Variants in DPP10 observed in about 807,000 individuals in gnomAD.
The protein encoded by DPP10 is dipeptidyl peptidase like 10, also known as inactive dipeptidyl peptidase 10.
In DPP10, 33 loss-of-function variants were observed where a neutral mutation model predicts 120.9. The observed-to-expected ratio is 0.27, with a 90% CI of 0.21 to 0.37. The LOEUF (loss-of-function observed/expected upper bound fraction) is 0.37, where lower values mean the gene tolerates loss of function less well. Among genes scored for constraint, DPP10 ranks in the 10% least tolerant of loss-of-function variants. The pLI is 1.00. For missense variants in DPP10, 816 were observed against 942.8 expected (o/e 0.87, Z 1.76); for synonymous variants, 337 against 326.1 (o/e 1.03, Z -0.36).
At position 115,815,617 on chromosome 2, in the gene DPP10, A is replaced by G. The variant is rs1034986444; in HGVS notation, c.1896-58A>G. ...TTGTATGTATGCATGCCAACTATAT[A>G]TTTATATTTGCATTTAACTCACAAA... On this transcript the variant is annotated intron_variant, in intron 20 of 25. Transcript: ENST00000410059. 3.5e-6 allele frequency: 5 copies of G among 1,449,142 alleles called. No homozygotes were observed. In the African/African-American group the frequency reaches 4.2e-5, roughly 12 times the overall value. 89.8% of individuals were successfully genotyped at this position (1,449,142 alleles called of 1,614,324 possible). A position where few individuals can be genotyped will look rare whatever the true frequency, so the allele number is the denominator to read the frequency against.
chr2:115,699,469 G>T (rs550585735), intron 7 of DPP10, among the ~76,000 whole-genome samples: 1 of 152,264 alleles, frequency 6.6e-6, no homozygotes, highest in South Asian at 2.1e-4. Flanking sequence ...GGATGTGTTG[G>T]CAGGCACCTG....
intron 1 of DPP10, among the ~76,000 whole-genome samples, chr2:115,035,377 G>A (rs1017122033): frequency 9.9e-5 from 15 of 151,942 alleles, no homozygotes; most frequent in Non-Finnish European, 2.2e-4. Context: ...TTAAATAATT[G>A]TTTCCACAAT....
chr2:115,048,351 A>G (rs78094251), intron 1 of DPP10, among the ~76,000 whole-genome samples: 4,837 of 151,916 alleles, frequency 0.032, 94 homozygotes, highest in Non-Finnish European at 0.05. Flanking sequence ...ATTTATCACT[A>G]TCTCCCATTG....
chr2:115,419,562 C>T (rs2069747654), intron 3 of DPP10, among the ~76,000 whole-genome samples: 1 of 152,100 alleles, frequency 6.6e-6, no homozygotes, highest in African/African-American at 2.4e-5. Context: ...CCCACAAAGC[C>T]CCACCTCCAA....
At chr2:115,297,922 C>G (rs2060961293) in intron 1 of DPP10, among the ~76,000 whole-genome samples, 1 of 152,162 alleles carries the variant, frequency 6.6e-6, no homozygotes, top group Admixed American at 6.5e-5. Flanking sequence ...AGTGCTCTTT[C>G]AACCACAATT....
At chr2:114,956,490 A>G (rs1478884717) in intron 1 of DPP10, among the ~76,000 whole-genome samples, 2 of 152,146 alleles carry the variant, frequency 1.3e-5, no homozygotes. Context: ...CATGGATTGA[A>G]AAAGTTTATA....
chr2:114,867,053 G>T (rs1690298426), intron 1 of DPP10, among the ~76,000 whole-genome samples: 1 of 152,184 alleles, frequency 6.6e-6, no homozygotes, highest in Non-Finnish European at 1.5e-5. Context: ...TAATGAACAA[G>T]GTGCAGAACA....
At chr2:115,821,227 A>C (rs1358229213) in intron 21 of DPP10, among the ~76,000 whole-genome samples, 1 of 152,148 alleles carries the variant, frequency 6.6e-6, no homozygotes, top group Non-Finnish European at 1.5e-5. Flanking sequence ...ATGTGAACTC[A>C]TCAATTTCTC....
chr2:115,270,766 T>C (rs2059665271), intron 1 of DPP10, among the ~76,000 whole-genome samples: 1 of 152,192 alleles, frequency 6.6e-6, no homozygotes, highest in South Asian at 2.1e-4. Flanking sequence ...ATGATAGCAT[T>C]ATTTCAAAAT....
chr2:114,797,729 A>C (rs1040498547), intron 1 of DPP10, among the ~76,000 whole-genome samples: 2 of 152,248 alleles, frequency 1.3e-5, no homozygotes, highest in African/African-American at 4.8e-5. Context: ...CATGCTTACA[A>C]GGAAGATTCC....
intron 5 of DPP10, among the ~76,000 whole-genome samples, chr2:115,625,046 T>A (rs2085251056): frequency 6.6e-6 from 1 of 151,838 alleles, no homozygotes; most frequent in East Asian, 1.9e-4. Flanking sequence ...AATATATAAA[T>A]AACGATATGA....
chr2:115,428,253 C>T (rs566131403), intron 3 of DPP10, among the ~76,000 whole-genome samples: 1 of 152,326 alleles, frequency 6.6e-6, no homozygotes, highest in African/African-American at 2.4e-5. Context: ...CTGTTCCAGC[C>T]TCAGCCCATT....
chr2:115,217,986 C>G (rs747826218), intron 1 of DPP10, among the ~76,000 whole-genome samples: 5 of 152,098 alleles, frequency 3.3e-5, no homozygotes, highest in Non-Finnish European at 7.4e-5. Context: ...CTGTCATTAA[C>G]TGATTTTGTC....
chr2:114,869,659 C>G (rs767855676), intron 1 of DPP10, among the ~76,000 whole-genome samples: 28 of 152,302 alleles, frequency 1.8e-4, no homozygotes, highest in South Asian at 1.7e-3. Context: ...GGAGGCCAGA[C>G]TGCCCCATCT....
chr2:115,673,208 C>G (rs1230701915), intron 5 of DPP10, among the ~76,000 whole-genome samples: 7 of 152,044 alleles, frequency 4.6e-5, no homozygotes, highest in Admixed American at 4.6e-4. Context: ...AATTGATATC[C>G]TTTGTTATAC....
At chr2:115,552,440 G>A (rs556520092) in intron 5 of DPP10, among the ~76,000 whole-genome samples, 2 of 152,104 alleles carry the variant, frequency 1.3e-5, no homozygotes, top group African/African-American at 4.8e-5. Context: ...AATAATTATT[G>A]CCTCACACGG....
At chr2:114,567,547 G>A (rs1033854968) in intron 1 of DPP10, among the ~76,000 whole-genome samples, 1 of 152,078 alleles carries the variant, frequency 6.6e-6, no homozygotes, top group African/African-American at 2.4e-5. Context: ...AGCTGGAAAA[G>A]GTAAGGAAAC....
chr2:114,642,904 C>T (rs980764032), intron 1 of DPP10, among the ~76,000 whole-genome samples: 4 of 151,900 alleles, frequency 2.6e-5, no homozygotes, highest in African/African-American at 2.4e-5. Flanking sequence ...ACATCCTAAT[C>T]ATGTTTTCAT....
intron 2 of DPP10, among the ~76,000 whole-genome samples, chr2:115,320,187 A>G (rs1463313817): frequency 6.6e-6 from 1 of 152,152 alleles, no homozygotes; most frequent in Non-Finnish European, 1.5e-5. Flanking sequence ...TATGAGGATA[A>G]CAAATTCTGC....
Sources: allele counts gnomAD v4.1 joint callset (sites outside exome capture counted in the v4.1 genomes callset), GRCh38; gene constraint gnomAD v4.1.1; transcripts MANE v1.5; gene names NCBI Gene and HGNC (gene_info 2026-07-23, HGNC 2026-07-21).